The following KCNH5 variants were observed in gnomAD, a reference collection of about 807,000 sequenced individuals.
KCNH5 encodes potassium voltage-gated channel subfamily H member 5, also known as voltage-gated delayed rectifier potassium channel KCNH5.
A neutral mutation model predicts 96.1 loss-of-function variants in KCNH5; 46 were observed. That is an observed-to-expected ratio of 0.48 (90% confidence interval 0.38 to 0.61). KCNH5 has a LOEUF of 0.61. Among genes scored for constraint, KCNH5 ranks in the 20% least tolerant of loss-of-function variants. The probability of loss-of-function intolerance (pLI) is 0.00; values close to 1 mark genes in which losing one functional copy is unlikely to be tolerated. For synonymous variants in KCNH5, 439 were observed against 449.8 expected, an observed-to-expected ratio of 0.98 and a Z score of 0.30; for missense variants, 907 against 1,225.8, an observed-to-expected ratio of 0.74 and a Z score of 3.88.
chr14:62,761,229 C>T, intron 10 of KCNH5, among the ~76,000 whole-genome samples: 1 of 150,872 alleles, frequency 6.6e-6, no homozygotes, highest in Non-Finnish European at 1.5e-5. Flanking sequence ...GTGGCGGGCG[C>T]TTGTAATCCC....
At chr14:62,847,185 G>A (rs1444688786) in intron 8 of KCNH5, among the ~76,000 whole-genome samples, 2 of 147,538 alleles carry the variant, frequency 1.4e-5, no homozygotes, top group African/African-American at 4.9e-5. Flanking sequence ...TAATTTATTT[G>A]TTAAATAGCT....
intron 8 of KCNH5, among the ~76,000 whole-genome samples, chr14:62,820,106 A>G (rs1410761204): frequency 6.6e-6 from 1 of 152,182 alleles, no homozygotes; most frequent in Non-Finnish European, 1.5e-5. Flanking sequence ...AAGACAAATC[A>G]TTGGCATTTT....
At chr14:62,759,499 A>C (rs544219045) in intron 10 of KCNH5, among the ~76,000 whole-genome samples, 1 of 147,478 alleles carries the variant, frequency 6.8e-6, no homozygotes, top group Non-Finnish European at 1.5e-5. Context: ...ACATTTGCTC[A>C]AAAGCTGAAA....
At chr14:62,800,027 G>A (rs1886628984) in intron 9 of KCNH5, among the ~76,000 whole-genome samples, 2 of 151,272 alleles carry the variant, frequency 1.3e-5, no homozygotes, top group South Asian at 4.2e-4. Flanking sequence ...GAAAACAGGT[G>A]CTGGTAAGTT....
chr14:63,028,865 A>C (rs1477153374), intron 1 of KCNH5, among the ~76,000 whole-genome samples: 5 of 152,152 alleles, frequency 3.3e-5, no homozygotes, highest in Non-Finnish European at 1.5e-5. Flanking sequence ...GTATACCCTA[A>C]AGTATTTGCT....
chr14:62,771,839 A>G (rs1885994172), intron 10 of KCNH5, among the ~76,000 whole-genome samples: 1 of 152,174 alleles, frequency 6.6e-6, no homozygotes, highest in Non-Finnish European at 1.5e-5. Flanking sequence ...CACCAGTGAC[A>G]AAATAAGCAG....
intron 6 of KCNH5, 58 bp from the exon 7 acceptor site, chr14:62,950,617 G>A (rs1889986069): frequency 2.9e-6 from 4 of 1,390,160 alleles, no homozygotes; most frequent in Admixed American, 2.6e-5. Flanking sequence ...AAAAGGCTGG[G>A]GAAACAATAC....
At chr14:62,764,339 C>T (rs1379661312) in intron 10 of KCNH5, among the ~76,000 whole-genome samples, 2 of 152,066 alleles carry the variant, frequency 1.3e-5, no homozygotes, top group African/African-American at 4.8e-5. Flanking sequence ...ATGTTAAAAA[C>T]CCTCAACAAA....
chr14:62,867,114 G>GGA (rs1177782135), intron 7 of KCNH5, among the ~76,000 whole-genome samples: 1 of 152,162 alleles, frequency 6.6e-6, no homozygotes, highest in Non-Finnish European at 1.5e-5. Context: ...AAAGAGGAGA[G>GGA]GATCAGAGGG....
intron 10 of KCNH5, among the ~76,000 whole-genome samples, chr14:62,745,352 G>T (rs1235030893): frequency 6.6e-6 from 1 of 152,104 alleles, no homozygotes; most frequent in Admixed American, 6.6e-5. Context: ...ACAATGAGAG[G>T]TTATCATCCT....
intron 4 of KCNH5, among the ~76,000 whole-genome samples, chr14:62,987,673 A>AAGGATG (rs1890735916): frequency 6.6e-6 from 1 of 152,048 alleles, no homozygotes; most frequent in South Asian, 2.1e-4. Context: ...TACCAGCTGG[A>AAGGATG]CAAGGCCCAA....
At chr14:62,887,886 A>G (rs535636169) in intron 7 of KCNH5, among the ~76,000 whole-genome samples, 2 of 152,200 alleles carry the variant, frequency 1.3e-5, no homozygotes, top group African/African-American at 4.8e-5. Flanking sequence ...TTTTTTTCTC[A>G]ACTGTGTTGA....
At position 62,705,668 on chromosome 14, in the gene KCNH5, G is replaced by A. The variant is rs1884416296; in HGVS notation, c.*1840C>T. 6.6e-6 allele frequency: 1 copy of A among 151,956 alleles called. No homozygotes were observed. Among genetic ancestry groups the A allele is most frequent in the African/African-American group, 2.4e-5 (1 of 41,388 alleles). 9.4% of individuals were successfully genotyped at this position (151,956 alleles called of 1,614,324 possible). ...CTAGATTAAAGAGGCACATCTTGTG[G>A]GCATGTGAAGTTCAATAGAAATTCT... On this transcript the variant is annotated 3_prime_UTR_variant, in exon 11 of 11. Coordinates refer to ENST00000322893, the MANE Select transcript of KCNH5 (RefSeq NM_139318.5).
chr14:62,947,322 C>T (rs568497101), intron 7 of KCNH5, among the ~76,000 whole-genome samples: 2 of 152,268 alleles, frequency 1.3e-5, no homozygotes, highest in South Asian at 4.1e-4. Context: ...TTTGCCCATA[C>T]ATCTTACCAC....
chr14:62,750,681 G>T (rs1885478674), intron 10 of KCNH5, among the ~76,000 whole-genome samples: 1 of 152,206 alleles, frequency 6.6e-6, no homozygotes, highest in Non-Finnish European at 1.5e-5. Context: ...TAGCAGCTCA[G>T]AGTCCCTGTT....
chr14:62,738,059 C>T (rs1324642755), intron 10 of KCNH5, among the ~76,000 whole-genome samples: 1 of 152,106 alleles, frequency 6.6e-6, no homozygotes, highest in Non-Finnish European at 1.5e-5. Context: ...TCCGGCATCA[C>T]CACTCTTGCA....
chr14:63,001,531 C>A, intron 3 of KCNH5, 72 bp from the exon 4 acceptor site: 1 of 1,399,410 alleles, frequency 7.1e-7, no homozygotes, highest in South Asian at 1.5e-5. Context: ...GGTCTCCTGG[C>A]TTCCTTCTTC....
intron 10 of KCNH5, among the ~76,000 whole-genome samples, chr14:62,766,194 T>G (rs1002189245): frequency 2.2e-4 from 33 of 152,140 alleles, no homozygotes; most frequent in Non-Finnish European, 3.4e-4. Context: ...GACAAGGATG[T>G]GGAAAAACGG....
chr14:62,905,172 T>G (rs886843898), intron 7 of KCNH5, among the ~76,000 whole-genome samples: 22 of 152,212 alleles, frequency 1.4e-4, no homozygotes, highest in African/African-American at 3.9e-4. Flanking sequence ...CTTCTTTTTT[T>G]GTCCTATCTT....
Sources: allele counts gnomAD v4.1 joint callset (sites outside exome capture counted in the v4.1 genomes callset), GRCh38; gene constraint gnomAD v4.1.1; transcripts MANE v1.5; gene names NCBI Gene and HGNC (gene_info 2026-07-23, HGNC 2026-07-21).